The following CAPN5 variants were observed in gnomAD, a reference collection of about 807,000 sequenced individuals.
CAPN5 encodes calpain 5.
In CAPN5, 54 loss-of-function variants were observed where a neutral mutation model predicts 73.0. The ratio of observed to expected loss-of-function variants is 0.74; its 90% CI spans 0.59 to 0.93. The LOEUF (loss-of-function observed/expected upper bound fraction) is 0.93, where lower values mean the gene tolerates loss of function less well. Ranked by LOEUF, CAPN5 falls within the 40% of genes least tolerant of loss-of-function variation. The pLI is 0.00. For synonymous variants in CAPN5, 335 were observed against 356.9 expected (o/e 0.94, Z 0.69); for missense variants, 785 against 882.9 (o/e 0.89, Z 1.41).
intron 3 of CAPN5, among the ~76,000 whole-genome samples, chr11:77,107,728 G>A (rs1207803680): frequency 2.6e-5 from 4 of 152,180 alleles, no homozygotes; most frequent in African/African-American, 7.2e-5. Flanking sequence ...TCAGGGAGGC[G>A]GCAGATCCTG....
At chr11:77,121,854 C>A (rs1421234404) in intron 10 of CAPN5, 80 bp from the exon 11 acceptor site, 23 of 701,912 alleles carry the variant, frequency 3.3e-5, no homozygotes, top group Middle Eastern at 4.9e-4. Flanking sequence ...TCTTCCCTTC[C>A]CACTTCCTGA....
At chr11:77,120,188 T>C (rs566505979) in intron 9 of CAPN5, 1 of 152,626 alleles carries the variant, frequency 6.6e-6, no homozygotes, top group African/African-American at 2.4e-5. Context: ...GTTGGGACTA[T>C]AGGTGAACAC....
chr11:77,100,096 C>T lies in CAPN5; in HGVS notation c.297+6283C>T, dbSNP rs185027772. On this transcript the variant is annotated intron_variant, in intron 3 of 12. Transcript: ENST00000648180. The stretch of plus-strand genomic sequence containing the variant: ...AGGTGATCCACCCGCCTCGGCCTCC[C>T]AAGGTGCTGGGATTACAGGCGTGAG... Among the ~76,000 whole-genome samples, 1,411 of 152,264 alleles carry T rather than the reference C, an allele frequency of 9.3e-3. 24 individuals are homozygous for T. Among genetic ancestry groups the T allele is most frequent in the African/African-American group, 0.032 (1,338 of 41,524 alleles).
chr11:77,073,238 C>A, intron 1 of CAPN5: 1 of 595,836 alleles, frequency 1.7e-6, no homozygotes, highest in Non-Finnish European at 2.7e-6. Context: ...GAGGCTTGGC[C>A]TGGGGCTGCC....
At chr11:77,111,758 A>T (rs1335695832) in intron 3 of CAPN5, among the ~76,000 whole-genome samples, 1 of 152,220 alleles carries the variant, frequency 6.6e-6, no homozygotes, top group African/African-American at 2.4e-5. Context: ...TTACTTAATT[A>T]TAACTTGGTA....
chr11:77,086,133 G>A (rs539049384), intron 2 of CAPN5, among the ~76,000 whole-genome samples: 16 of 152,320 alleles, frequency 1.1e-4, no homozygotes, highest in East Asian at 1.9e-4. Flanking sequence ...CAAGATGCTC[G>A]ACCTTGCTCT....
At chr11:77,106,128 C>T (rs1320203484) in intron 3 of CAPN5, among the ~76,000 whole-genome samples, 2 of 152,232 alleles carry the variant, frequency 1.3e-5, no homozygotes, top group African/African-American at 4.8e-5. Context: ...ATGAGCCCTG[C>T]TTCAAAATCC....
At chr11:77,122,776 G>A in intron 12 of CAPN5, 64 bp downstream of exon 12, 1 of 1,600,042 alleles carries the variant, frequency 6.2e-7, no homozygotes, top group South Asian at 1.1e-5. Flanking sequence ...CACTCAGGGG[G>A]ACAAGCCCAG....
intron 2 of CAPN5, among the ~76,000 whole-genome samples, chr11:77,093,429 C>T (rs1555036863): frequency 1.3e-4 from 20 of 152,208 alleles, no homozygotes; most frequent in Non-Finnish European, 1.5e-5. Flanking sequence ...CATCAGCAAA[C>T]CTTTAGCGGA....
At chr11:77,085,543 T>C (rs1382743855) in intron 2 of CAPN5, among the ~76,000 whole-genome samples, 1 of 152,208 alleles carries the variant, frequency 6.6e-6, no homozygotes, top group South Asian at 2.1e-4. Flanking sequence ...ACCTACCTCA[T>C]AGAGTGGTTG....
At chr11:77,097,271 A>G (rs1412301009) in intron 3 of CAPN5, among the ~76,000 whole-genome samples, 1 of 152,104 alleles carries the variant, frequency 6.6e-6, no homozygotes, top group African/African-American at 2.4e-5. Flanking sequence ...ACCGGGTTAT[A>G]TTAGCAGTTC....
chr11:77,081,923 C>G (rs1190122074), intron 1 of CAPN5, among the ~76,000 whole-genome samples: 11 of 152,116 alleles, frequency 7.2e-5, no homozygotes, highest in African/African-American at 2.7e-4. Flanking sequence ...GAGCCTTTTT[C>G]TCTTCTTGAA....
intron 3 of CAPN5, among the ~76,000 whole-genome samples, chr11:77,104,480 G>T (rs1950322466): frequency 6.6e-6 from 1 of 152,230 alleles, no homozygotes; most frequent in Non-Finnish European, 1.5e-5. Flanking sequence ...GGCGGCAGTG[G>T]TGTGACGGCA....
At chr11:77,104,484 G>A (rs1012224543) in intron 3 of CAPN5, among the ~76,000 whole-genome samples, 17 of 152,226 alleles carry the variant, frequency 1.1e-4, no homozygotes, top group Non-Finnish European at 1.8e-4. Context: ...GCAGTGGTGT[G>A]ACGGCAGAAT....
rs569691482 is a variant in CAPN5 at position 77,078,350 on chromosome 11, T to C, written c.-35-6502T>C. On this transcript the variant is annotated intron_variant, in intron 1 of 12. Transcript: ENST00000648180. ...TCCCCTTTGTGTGTCCTTGGTACTT[T>C]TGTTGAAAATTAATTGACAAATTAA... Among the ~76,000 whole-genome samples the C allele has an allele frequency of 1.5e-3, 230 of 152,340 alleles. 2 individuals are homozygous for C. Among genetic ancestry groups the C allele is most frequent in the East Asian group, 3.1e-3 (16 of 5,188 alleles).
At chr11:77,082,664 G>A (rs782643030) in intron 1 of CAPN5, among the ~76,000 whole-genome samples, 2 of 152,176 alleles carry the variant, frequency 1.3e-5, no homozygotes, top group Non-Finnish European at 2.9e-5. Flanking sequence ...AGCCAGCCAG[G>A]CCTGGCCCTG....
intron 6 of CAPN5, 39 bp from the exon 7 acceptor site, chr11:77,116,187 A>T (rs1205816306): frequency 6.4e-7 from 1 of 1,570,980 alleles, no homozygotes; most frequent in Non-Finnish European, 8.7e-7. Context: ...GCTGCCTCTT[A>T]GACAGCTCCC....
At chr11:77,120,561 A>G in intron 9 of CAPN5, 152 bp from the exon 10 acceptor site, 1 of 568,708 alleles carries the variant, frequency 1.8e-6, no homozygotes. Context: ...GGCAAACACG[A>G]ATCCGCTTCT....
At chr11:77,115,701 A>C (rs1950460600) in intron 6 of CAPN5, 113 bp downstream of exon 6, 1 of 790,956 alleles carries the variant, frequency 1.3e-6, no homozygotes. Flanking sequence ...CTGGGGGAGG[A>C]TGACACTAGG....
Sources: gnomAD v4.1 joint callset for allele counts (sites outside exome capture counted in the v4.1 genomes callset) on GRCh38, gnomAD v4.1.1 for gene constraint, MANE v1.5 for transcripts, NCBI Gene and HGNC (gene_info 2026-07-23, HGNC 2026-07-21) for gene names.